The following PACRG variants were observed in gnomAD, a reference collection of about 807,000 sequenced individuals.
The protein encoded by PACRG is parkin coregulated gene protein.
A neutral mutation model predicts 29.7 loss-of-function variants in PACRG; 29 were observed. The observed-to-expected ratio is 0.98, with a 90% CI of 0.73 to 1.33. The LOEUF is 1.33. PACRG is among the 40% of genes most tolerant of loss of function. The probability of loss-of-function intolerance (pLI) is 0.00; values close to 1 mark genes in which losing one functional copy is unlikely to be tolerated. For synonymous variants in PACRG, 116 were observed against 118.7 expected, an observed-to-expected ratio of 0.98 and a Z score of 0.15; for missense variants, 279 against 316.2, an observed-to-expected ratio of 0.88 and a Z score of 0.89.
chr6:163,241,721 G>C (rs888648731), intron 4 of PACRG, among the ~76,000 whole-genome samples: 7 of 152,144 alleles, frequency 4.6e-5, no homozygotes, highest in Non-Finnish European at 4.4e-5. Flanking sequence ...GAATGGAGAA[G>C]GTAGGAGGTT....
chr6:163,263,853 G>A (rs1198148337), intron 4 of PACRG, among the ~76,000 whole-genome samples: 1 of 152,104 alleles, frequency 6.6e-6, no homozygotes, highest in Non-Finnish European at 1.5e-5. Flanking sequence ...GAAGCCTGAC[G>A]TTACTTTAAA....
chr6:162,903,814 A>G (rs1054082924), intron 2 of PACRG, among the ~76,000 whole-genome samples: 1 of 152,260 alleles, frequency 6.6e-6, no homozygotes, highest in East Asian at 1.9e-4. Flanking sequence ...TGTGATCGTG[A>G]GGGGTTTGTC....
chr6:163,192,426 C>T (rs1054931062), intron 4 of PACRG, among the ~76,000 whole-genome samples: 4 of 152,258 alleles, frequency 2.6e-5, no homozygotes, highest in East Asian at 3.9e-4. Flanking sequence ...AATGTGGGCT[C>T]GGGGACAAGC....
At chr6:162,906,852 A>G (rs533768415) in intron 2 of PACRG, among the ~76,000 whole-genome samples, 3 of 152,354 alleles carry the variant, frequency 2.0e-5, no homozygotes, top group Admixed American at 2.0e-4. Flanking sequence ...TATACCTTGT[A>G]TATCAGAGAG....
At chr6:163,186,392 T>TAC (rs933468830) in intron 4 of PACRG, among the ~76,000 whole-genome samples, 4 of 151,766 alleles carry the variant, frequency 2.6e-5, no homozygotes, top group African/African-American at 7.3e-5. Flanking sequence ...CAGACACAGA[T>TAC]ACACACACAC....
intron 2 of PACRG, among the ~76,000 whole-genome samples, chr6:162,897,589 A>AT (rs1357488981): frequency 6.6e-6 from 1 of 152,236 alleles, no homozygotes; most frequent in African/African-American, 2.4e-5. Flanking sequence ...GTTCCATTAA[A>AT]TGCAAAGGAT....
At chr6:163,288,427 T>TGTTTCAGA (rs1411642052) in intron 4 of PACRG, among the ~76,000 whole-genome samples, 72 of 152,360 alleles carry the variant, frequency 4.7e-4, no homozygotes, top group African/African-American at 1.5e-3. Flanking sequence ...TTCTTGGCCT[T>TGTTTCAGA]GATTTCCTCA....
At chr6:162,789,327 G>C (rs906496861) in intron 1 of PACRG, among the ~76,000 whole-genome samples, 1 of 152,134 alleles carries the variant, frequency 6.6e-6, no homozygotes, top group South Asian at 2.1e-4. Context: ...ACAGTTGTGA[G>C]TCCCTATAAT....
intron 4 of PACRG, among the ~76,000 whole-genome samples, chr6:163,188,496 T>C (rs1182042289): frequency 6.6e-6 from 1 of 152,184 alleles, no homozygotes; most frequent in Non-Finnish European, 1.5e-5. Context: ...GTCTCCTTTA[T>C]AAGAATCAGG....
intron 2 of PACRG, among the ~76,000 whole-genome samples, chr6:162,972,804 G>A: frequency 6.6e-6 from 1 of 152,140 alleles, no homozygotes; most frequent in East Asian, 1.9e-4. Flanking sequence ...ACAGTGTACT[G>A]GTCTTGTATG....
rs574838853 is a variant in PACRG at position 162,816,587 on chromosome 6, C to T, written c.291+2306C>T. ...CAGGATGGTCTCGATCTCCTGACCT[C>T]GTGATCCGCCTGTCTCAGCTTCCCA... On this transcript the variant is annotated intron_variant, in intron 2 of 4. Coordinates refer to ENST00000366888, the MANE Select transcript of PACRG (RefSeq NM_001080379.2). 1.7e-3 allele frequency among the ~76,000 whole-genome samples: 265 copies of T among 152,246 alleles called. 1 individual carries two copies. The highest frequency in any genetic ancestry group is 6.2e-3 in the African/African-American group (257 of 41,536).
At chr6:163,229,232 A>G (rs937530824) in intron 4 of PACRG, among the ~76,000 whole-genome samples, 8 of 152,190 alleles carry the variant, frequency 5.3e-5, no homozygotes, top group South Asian at 4.1e-4. Flanking sequence ...GTGCACACCT[A>G]TGGCACTCAG....
intron 1 of PACRG, among the ~76,000 whole-genome samples, chr6:162,792,947 C>T (rs966341204): frequency 1.3e-5 from 2 of 152,084 alleles, no homozygotes; most frequent in African/African-American, 4.8e-5. Flanking sequence ...TGAGTTTGGT[C>T]TGGAGAGTGC....
chr6:162,951,847 G>T (rs1799677580), intron 2 of PACRG, among the ~76,000 whole-genome samples: 1 of 152,132 alleles, frequency 6.6e-6, no homozygotes. Flanking sequence ...TAGTCTTACT[G>T]GGGAGGGGAG....
At chr6:163,307,276 G>A (rs1397540067) in intron 4 of PACRG, among the ~76,000 whole-genome samples, 1 of 152,196 alleles carries the variant, frequency 6.6e-6, no homozygotes, top group Non-Finnish European at 1.5e-5. Flanking sequence ...TGATGGCTTA[G>A]TAACCTAGTG....
intron 1 of PACRG, among the ~76,000 whole-genome samples, chr6:162,774,345 G>A (rs1783476022): frequency 6.6e-6 from 1 of 152,178 alleles, no homozygotes; most frequent in Admixed American, 6.5e-5. Context: ...AAATCAAAAT[G>A]TTTAGCCAAA....
At chr6:162,805,257 C>T (rs374433115) in intron 1 of PACRG, among the ~76,000 whole-genome samples, 6 of 152,090 alleles carry the variant, frequency 3.9e-5, no homozygotes, top group African/African-American at 1.2e-4. Context: ...CAGAGAGTCA[C>T]GTGGTTTTTT....
At chr6:162,950,559 A>G (rs1799574731) in intron 2 of PACRG, among the ~76,000 whole-genome samples, 1 of 152,120 alleles carries the variant, frequency 6.6e-6, no homozygotes, top group Non-Finnish European at 1.5e-5. Flanking sequence ...AACAGATCAT[A>G]TTTTGTACAG....
chr6:162,980,711 A>G (rs1217828132), intron 2 of PACRG, among the ~76,000 whole-genome samples: 1 of 152,094 alleles, frequency 6.6e-6, no homozygotes, highest in Non-Finnish European at 1.5e-5. Context: ...ACCTTCCATC[A>G]CTTATGTGGA....
Sources: gnomAD v4.1 joint callset for allele counts (sites outside exome capture counted in the v4.1 genomes callset) on GRCh38, gnomAD v4.1.1 for gene constraint, MANE v1.5 for transcripts, NCBI Gene and HGNC (gene_info 2026-07-23, HGNC 2026-07-21) for gene names.